The following ATP9B variants were observed in gnomAD, a reference collection of about 807,000 sequenced individuals.
The protein encoded by ATP9B is ATPase phospholipid transporting 9B, also known as probable phospholipid-transporting ATPase IIB.
In ATP9B, 110 loss-of-function variants were observed where a neutral mutation model predicts 146.1. The ratio of observed to expected loss-of-function variants is 0.75; its 90% CI spans 0.65 to 0.88. The LOEUF is 0.88. Ranked by LOEUF, ATP9B falls within the 40% of genes least tolerant of loss-of-function variation. The pLI is 0.00. For synonymous variants in ATP9B, 604 were observed against 569.7 expected (o/e 1.06, Z -0.86); for missense variants, 1,499 against 1,496.4 (o/e 1.00, Z -0.03).
intron 15 of ATP9B, among the ~76,000 whole-genome samples, chr18:79,308,782 C>T (rs75537539): frequency 5.1e-5 from 5 of 97,658 alleles, no homozygotes; most frequent in East Asian, 3.0e-4. Context: ...AGGTCAGGGG[C>T]TGAGGAGTGA....
intron 12 of ATP9B, 87 bp downstream of exon 12, chr18:79,253,628 T>G: frequency 7.4e-7 from 1 of 1,355,290 alleles, no homozygotes; most frequent in Admixed American, 2.6e-5. Context: ...TGAAAGAAAT[T>G]ACCCAAACAA....
intron 4 of ATP9B, chr18:79,117,503 G>T (rs2094107527): frequency 6.6e-6 from 1 of 152,204 alleles, no homozygotes; most frequent in African/African-American, 2.4e-5. Flanking sequence ...AGTGTTGCAG[G>T]CAGAGGAGTA....
At chr18:79,345,371 A>G in intron 21 of ATP9B, 57 bp from the exon 22 acceptor site, 1 of 1,591,840 alleles carries the variant, frequency 6.3e-7, no homozygotes, top group Non-Finnish European at 8.6e-7. Context: ...TACATTACAC[A>G]AATCTGGGAC....
At chr18:79,105,688 A>G (rs1411604256) in intron 2 of ATP9B, among the ~76,000 whole-genome samples, 3 of 152,202 alleles carry the variant, frequency 2.0e-5, no homozygotes, top group East Asian at 3.8e-4. Context: ...CGAGATTTAC[A>G]TTTCACTTGT....
chr18:79,076,381 C>A (rs1370473759), intron 1 of ATP9B, among the ~76,000 whole-genome samples: 1 of 152,188 alleles, frequency 6.6e-6, no homozygotes, highest in Non-Finnish European at 1.5e-5. Context: ...TCTGAAGATG[C>A]CTGTATTTCT....
Position 79,355,666 on chromosome 18 carries a change from G to A in ATP9B, c.2904-3688G>A, listed in dbSNP as rs529608644. Reference sequence around the variant, plus strand: ...CCCCGGCCGCTGTACCGTTTGTGCCGTGGGAGTTCCAGGGGAGAAGAGACA... The same window carrying A: ...CCCCGGCCGCTGTACCGTTTGTGCCATGGGAGTTCCAGGGGAGAAGAGACA... On this transcript the variant is annotated intron_variant, in intron 25 of 29. Coordinates refer to ENST00000426216, the MANE Select transcript of ATP9B (RefSeq NM_198531.5). 3.3e-4 allele frequency among the ~76,000 whole-genome samples: 51 copies of A among 152,290 alleles called. 1 individual carries two copies. Among genetic ancestry groups the A allele is most frequent in the African/African-American group, 1.0e-3 (43 of 41,554 alleles).
chr18:79,240,575 G>A (rs924682627), intron 11 of ATP9B, among the ~76,000 whole-genome samples: 2 of 152,128 alleles, frequency 1.3e-5, no homozygotes, highest in Non-Finnish European at 2.9e-5. Context: ...GACAAACCCC[G>A]TCTCTACTAA....
Position 79,196,084 on chromosome 18 carries a change from G to A in ATP9B, c.954+2821G>A, listed in dbSNP as rs73488235. Among the ~76,000 whole-genome samples the A allele has an allele frequency of 8.3e-3, 1,260 of 152,306 alleles. 17 individuals carry two copies. Among genetic ancestry groups the A allele is most frequent in the African/African-American group, 0.028 (1,168 of 41,544 alleles). ...CTGGGAAAATGACCAGCTCCCCACA[G>A]TTGGAAGGGGCCAGGTTGGTGTCAG... is the stretch of plus-strand genomic sequence containing the variant. On this transcript the variant is annotated intron_variant, in intron 9 of 29. Coordinates refer to ENST00000426216, the MANE Select transcript of ATP9B (RefSeq NM_198531.5).
At chr18:79,307,256 TG>T (rs745632901) in intron 15 of ATP9B, 22 bp downstream of exon 15, 25 of 1,613,644 alleles carry the variant, frequency 1.5e-5, no homozygotes, top group Non-Finnish European at 2.1e-5. Context: ...CACAAAACCG[TG>T]GGAGCTTGTC....
At chr18:79,216,243 C>T (rs966370361) in intron 11 of ATP9B, among the ~76,000 whole-genome samples, 5 of 152,144 alleles carry the variant, frequency 3.3e-5, no homozygotes, top group African/African-American at 7.2e-5. Context: ...ACTTTTGGCT[C>T]GTCAAGCTCT....
At chr18:79,157,396 C>CAAAAAAA (rs147316668) in intron 7 of ATP9B, among the ~76,000 whole-genome samples, 3 of 48,586 alleles carry the variant, frequency 6.2e-5, no homozygotes, top group African/African-American at 1.0e-4. Flanking sequence ...AACTCCATCT[C>CAAAAAAA]AAAAAAAAAA....
chr18:79,297,580 G>T (rs1379132432), intron 13 of ATP9B, among the ~76,000 whole-genome samples: 2 of 152,218 alleles, frequency 1.3e-5, no homozygotes, highest in South Asian at 2.1e-4. Context: ...GTCTATGTGG[G>T]TGTCCATTAG....
chr18:79,156,187 TATGTGTTGTTTC>T (rs2094778165), intron 7 of ATP9B, among the ~76,000 whole-genome samples: 1 of 152,212 alleles, frequency 6.6e-6, no homozygotes, highest in Non-Finnish European at 1.5e-5. Flanking sequence ...ATACGTTTAT[TATGTGTTGTTTC>T]ATGTGAGCTT....
intron 15 of ATP9B, among the ~76,000 whole-genome samples, chr18:79,310,889 G>C (rs1044920326): frequency 4.1e-5 from 6 of 147,618 alleles, no homozygotes; most frequent in African/African-American, 1.5e-4. Flanking sequence ...GGTGGGTCAT[G>C]CCTGTCATCC....
At chr18:79,273,120 G>A (rs1197549671) in intron 12 of ATP9B, among the ~76,000 whole-genome samples, 2 of 152,242 alleles carry the variant, frequency 1.3e-5, no homozygotes, top group Non-Finnish European at 2.9e-5. Context: ...GTACATGTGC[G>A]TGTTTTATTT....
At chr18:79,086,856 G>T (rs1425519346) in intron 1 of ATP9B, among the ~76,000 whole-genome samples, 1 of 152,148 alleles carries the variant, frequency 6.6e-6, no homozygotes, top group East Asian at 1.9e-4. Flanking sequence ...TCCTTTTCCT[G>T]GGTTTTGCTA....
At position 79,240,536 on chromosome 18, in the gene ATP9B, A is replaced by G. The variant is rs181808683; in HGVS notation, c.1108-12845A>G. Among the ~76,000 whole-genome samples the G allele has an allele frequency of 2.3e-3, 353 of 152,326 alleles. 10 individuals are homozygous for G. Among genetic ancestry groups the G allele is most frequent in the Admixed American group, 0.022 (343 of 15,310 alleles). On this transcript the variant is annotated intron_variant, in intron 11 of 29. Coordinates refer to ENST00000426216, the MANE Select transcript of ATP9B (RefSeq NM_198531.5). ...TGAGGCAGGCGGATCACCTGAGGGC[A>G]GGAGTTCGAGACCAGTCTGACCAAC...
At chr18:79,234,173 C>A (rs2148604169) in intron 11 of ATP9B, among the ~76,000 whole-genome samples, 1 of 152,264 alleles carries the variant, frequency 6.6e-6, no homozygotes, top group South Asian at 2.1e-4. Flanking sequence ...TCTGATTAGA[C>A]TGGGGGAATA....
At chr18:79,140,470 T>C (rs1048768576) in intron 5 of ATP9B, among the ~76,000 whole-genome samples, 3 of 152,038 alleles carry the variant, frequency 2.0e-5, no homozygotes, top group African/African-American at 7.2e-5. Flanking sequence ...TTAAGAAGCA[T>C]TGGTATAAGA....
Sources: gnomAD v4.1 joint callset for allele counts (sites outside exome capture counted in the v4.1 genomes callset) on GRCh38, gnomAD v4.1.1 for gene constraint, MANE v1.5 for transcripts, NCBI Gene and HGNC (gene_info 2026-07-23, HGNC 2026-07-21) for gene names.